The following EXOC6B variants were observed in gnomAD, a reference collection of about 807,000 sequenced individuals.
The protein encoded by EXOC6B is exocyst complex component 6B, also known as SEC15 homolog B.
In EXOC6B, 54 loss-of-function variants were observed where a neutral mutation model predicts 113.5. The ratio of observed to expected loss-of-function variants is 0.48; its 90% CI spans 0.38 to 0.60. The LOEUF (loss-of-function observed/expected upper bound fraction) is 0.60. Among genes scored for constraint, EXOC6B ranks in the 20% least tolerant of loss-of-function variants. The pLI is 0.00. For synonymous variants in EXOC6B, 357 were observed against 339.0 expected (o/e 1.05, Z -0.58); for missense variants, 797 against 977.5 (o/e 0.82, Z 2.46).
rs1685473716 is a variant in EXOC6B, at chr2:72,286,999, T to C, written c.2196+47948A>G. Among the ~76,000 whole-genome samples, 3 of 152,084 alleles carry C rather than the reference T, an allele frequency of 2.0e-5. No individual in the cohort carries two copies. The South Asian group carries it at 6.2e-4, about 32-fold the overall frequency. On this transcript the variant is annotated intron_variant, in intron 20 of 21. Coordinates refer to ENST00000272427, the MANE Select transcript of EXOC6B (RefSeq NM_015189.3). Reference sequence around the variant, plus strand: ...TAAAAATGTGTCTCAGGAAAATGTATTGCTTTAAATGCACACATTAAAAAA... The same window carrying C: ...TAAAAATGTGTCTCAGGAAAATGTACTGCTTTAAATGCACACATTAAAAAA...
At chr2:72,617,806 C>T (rs191747241) in intron 6 of EXOC6B, among the ~76,000 whole-genome samples, 101 of 152,094 alleles carry the variant, frequency 6.6e-4, no homozygotes, top group African/African-American at 2.3e-3. Flanking sequence ...TGAGCCACCG[C>T]GCCCGGCCAA....
intron 5 of EXOC6B, 64 bp downstream of exon 5, chr2:72,730,943 A>C: frequency 8.5e-7 from 1 of 1,178,064 alleles, no homozygotes; most frequent in Non-Finnish European, 1.2e-6. Context: ...ATATGGACCT[A>C]AACGTATTCT....
chr2:72,301,428 GTTC>G (rs1686525997), intron 20 of EXOC6B, among the ~76,000 whole-genome samples: 1 of 152,190 alleles, frequency 6.6e-6, no homozygotes, highest in Admixed American at 6.5e-5. Context: ...AATGTTACCA[GTTC>G]TTCTTTGTTC....
intron 6 of EXOC6B, among the ~76,000 whole-genome samples, chr2:72,700,237 A>AACACACACACACACACAC (rs3034948): frequency 0.028 from 3,928 of 142,338 alleles, 151 homozygotes; most frequent in African/African-American, 0.079. Context: ...AGACCACAGA[A>AACACACACACACACACAC]ACACACACAC....
At chr2:72,537,393 A>G (rs1270965543) in intron 8 of EXOC6B, among the ~76,000 whole-genome samples, 1 of 149,020 alleles carries the variant, frequency 6.7e-6, no homozygotes, top group African/African-American at 2.5e-5. Context: ...TATTACTTTA[A>G]CCCAGGAGTT....
At chr2:72,697,722 T>C (rs1433809462) in intron 6 of EXOC6B, among the ~76,000 whole-genome samples, 1 of 152,126 alleles carries the variant, frequency 6.6e-6, no homozygotes, top group African/African-American at 2.4e-5. Flanking sequence ...TTCCTAACTA[T>C]GCCAGAAAGT....
At chr2:72,609,263 A>G (rs1670923813) in intron 6 of EXOC6B, among the ~76,000 whole-genome samples, 1 of 152,172 alleles carries the variant, frequency 6.6e-6, no homozygotes, top group South Asian at 2.1e-4. Flanking sequence ...CAGACCCATA[A>G]GTAACCTAGA....
rs539166600 is a variant in EXOC6B at position 72,550,929 on chromosome 2, T to A, written c.915+8524A>T. Among the ~76,000 whole-genome samples the A allele has an allele frequency of 1.5e-3, 228 of 150,674 alleles. 1 individual carries two copies. Among genetic ancestry groups the A allele is most frequent in the African/African-American group, 5.2e-3 (217 of 41,338 alleles). On this transcript the variant is annotated intron_variant, in intron 8 of 21. Coordinates refer to ENST00000272427, the MANE Select transcript of EXOC6B (RefSeq NM_015189.3). ...ATTTATTTTTTTTTTATTTTTTTTT[T>A]TTTTTTTGAGACGGAGTCTCACCCT...
intron 6 of EXOC6B, among the ~76,000 whole-genome samples, chr2:72,648,773 A>G (rs1416377875): frequency 6.6e-6 from 1 of 151,554 alleles, no homozygotes; most frequent in African/African-American, 2.4e-5. Flanking sequence ...ACCGGAAGTC[A>G]TTATGTTAAA....
At chr2:72,456,550 G>T (rs973382491) in intron 18 of EXOC6B, among the ~76,000 whole-genome samples, 1 of 152,102 alleles carries the variant, frequency 6.6e-6, no homozygotes, top group South Asian at 2.1e-4. Context: ...AGACACGATG[G>T]TATAATGGAA....
At chr2:72,585,467 C>A (rs1358205485) in intron 6 of EXOC6B, among the ~76,000 whole-genome samples, 1 of 151,836 alleles carries the variant, frequency 6.6e-6, no homozygotes, top group African/African-American at 2.4e-5. Flanking sequence ...CATGGTGGCA[C>A]ACACCTGTAG....
chr2:72,650,186 G>A (rs966628822), intron 6 of EXOC6B, among the ~76,000 whole-genome samples: 6 of 152,208 alleles, frequency 3.9e-5, no homozygotes, highest in African/African-American at 1.4e-4. Context: ...AGAATCCAAT[G>A]CCTGATGATC....
intron 6 of EXOC6B, among the ~76,000 whole-genome samples, chr2:72,640,803 A>G (rs1253590887): frequency 6.6e-6 from 1 of 152,208 alleles, no homozygotes; most frequent in Non-Finnish European, 1.5e-5. Context: ...TAGAAAACAA[A>G]AAAGCAGGGG....
intron 6 of EXOC6B, among the ~76,000 whole-genome samples, chr2:72,656,018 C>T (rs1199847810): frequency 6.6e-6 from 1 of 152,016 alleles, no homozygotes. Context: ...GGTTTTATCA[C>T]TGTTTCTTTG....
intron 1 of EXOC6B, among the ~76,000 whole-genome samples, chr2:72,750,896 CA>C (rs2104853420): frequency 6.6e-6 from 1 of 151,968 alleles, no homozygotes; most frequent in African/African-American, 2.4e-5. Flanking sequence ...ACTTAAGTAT[CA>C]AAAGTCATAA....
In EXOC6B at chr2:72,499,895, A is replaced by C; in HGVS notation, c.1239+6T>G. The C allele has an allele frequency of 6.5e-7, 1 of 1,544,090 alleles. No homozygotes were observed. Among genetic ancestry groups the C allele is most frequent in the Non-Finnish European group, 8.8e-7 (1 of 1,139,384 alleles). ...AGATGAGCATATGTAAACAGAAATC[A>C]CATACCTGAAGTGTGTCAGCAAAAA... is the stretch of plus-strand genomic sequence containing the variant. On this transcript the variant is annotated splice_donor_region_variant and intron_variant, in intron 12 of 21. Transcript: ENST00000272427.
chr2:72,575,754 CTTAA>C (rs1192373538), intron 6 of EXOC6B, 86 bp from the exon 7 acceptor site: 8 of 1,239,826 alleles, frequency 6.5e-6, no homozygotes, highest in East Asian at 2.7e-5. Context: ...AGAAACAAAA[CTTAA>C]TTAAGCTTTC....
intron 6 of EXOC6B, among the ~76,000 whole-genome samples, chr2:72,653,967 TTTA>T (rs1294718098): frequency 5.3e-4 from 36 of 68,420 alleles, no homozygotes; most frequent in Admixed American, 1.4e-3. Flanking sequence ...ATGAATTTTA[TTTA>T]TTTTTTTTTT....
chr2:72,665,928 C>T (rs1187542359), intron 6 of EXOC6B, among the ~76,000 whole-genome samples: 2 of 152,188 alleles, frequency 1.3e-5, no homozygotes, highest in Non-Finnish European at 2.9e-5. Flanking sequence ...CAATTATATG[C>T]TCTCTTCAAG....
Sources: gnomAD v4.1 joint callset for allele counts (sites outside exome capture counted in the v4.1 genomes callset) on GRCh38, gnomAD v4.1.1 for gene constraint, MANE v1.5 for transcripts, NCBI Gene and HGNC (gene_info 2026-07-23, HGNC 2026-07-21) for gene names.